ICE1: variants seen among roughly 807,000 people sequenced by gnomAD.
ICE1 encodes interactor of little elongation complex ELL subunit 1.
Under a neutral mutation model 192.7 loss-of-function variants are expected in ICE1, and 64 were observed. That is an observed-to-expected ratio of 0.33 (90% CI 0.27 to 0.41). The LOEUF is 0.41. Among genes scored for constraint, ICE1 ranks in the 10% least tolerant of loss-of-function variants. The pLI is 1.00. For missense variants in ICE1, 2,708 were observed against 2,696.0 expected (o/e 1.00, Z -0.10); for synonymous variants, 1,010 against 984.5 (o/e 1.03, Z -0.49).
chr5:5,445,476 C>A lies in ICE1; in HGVS notation c.424+1150C>A, dbSNP rs1046272834. ...TGAGACAGGGTCTCTCTCTGTCACT[C>A]AGGCTGGACAGGTGGTGCGATCTCG... is the stretch of plus-strand genomic sequence containing the variant. On this transcript the variant is annotated intron_variant, in intron 7 of 18. Coordinates refer to ENST00000296564, the MANE Select transcript of ICE1 (RefSeq NM_015325.3). Among the ~76,000 whole-genome samples the A allele has an allele frequency of 5.9e-5, 9 of 152,076 alleles. No homozygotes were observed. In the South Asian group the frequency reaches 1.0e-3, roughly 18 times the overall value.
In ICE1 at chr5:5,486,734, A is replaced by G. The variant is rs767672034; in HGVS notation, c.6534A>G (p.Gln2178=). Residue 2178 remains glutamine, a synonymous_variant, in exon 18 of 19, where the codon CAA becomes CAG. Coordinates refer to ENST00000296564, the MANE Select transcript of ICE1 (RefSeq NM_015325.3). ...TGTTTCCCCTAGGTCGTTTAGGCCA[A>G]TTGGGTTTGAAAGAAGGATTTCCAT... is the stretch of plus-strand genomic sequence containing the variant. ...SILRLIGRLG[Q]LGLKEGFPSA... is the part of the protein sequence containing the mutation. The G allele has an allele frequency of 2.5e-6, 4 of 1,598,068 alleles. No homozygotes were observed. The Admixed American group carries it at 6.9e-5, about 28-fold the overall frequency.
rs549587885 is a variant in ICE1, at chr5:5,441,339, A to G, written c.309+116A>G. Reference sequence around the variant, plus strand: ...TTAAAGGAAATAAAGGCTAGTCAAGACTCTCAGTGTATTATTAGCTTTAGA... The same window carrying G: ...TTAAAGGAAATAAAGGCTAGTCAAGGCTCTCAGTGTATTATTAGCTTTAGA... On this transcript the variant is annotated intron_variant, in intron 5 of 18. Coordinates refer to ENST00000296564, the MANE Select transcript of ICE1 (RefSeq NM_015325.3). 5 of 642,706 alleles carry G rather than the reference A, an allele frequency of 7.8e-6. No individual in the cohort carries two copies. The South Asian group carries it at 9.9e-5, about 13-fold the overall frequency. 39.8% of individuals were successfully genotyped at this position (642,706 alleles called of 1,614,324 possible). A position where few individuals can be genotyped will look rare whatever the true frequency, so the allele number is the denominator to read the frequency against.
In ICE1 at chr5:5,462,710, C is replaced by G; in HGVS notation, c.3376C>G (p.Pro1126Ala). 3 of 1,613,792 alleles carry G rather than the reference C, an allele frequency of 1.9e-6. No homozygotes were observed. The highest frequency in any genetic ancestry group is 2.5e-6 in the Non-Finnish European group (3 of 1,179,802). The change falls in exon 13 of 19, where the codon CCT becomes GCT. Residue 1126 changes from proline to alanine, a missense_variant. Physicochemically the swap from Pro to Ala is conservative, Grantham distance 27. Transcript: ENST00000296564. ...CSEGSEQQDA[P>A]DDSQKNLGDT... is the part of the protein sequence containing the mutation. ...TGAGGGGAGCGAACAGCAAGATGCT[C>G]CTGATGACTCACAGAAAAATTTAGG...
At chr5:5,482,340 A>G (rs908724028) in intron 17 of ICE1, among the ~76,000 whole-genome samples, 2 of 152,250 alleles carry the variant, frequency 1.3e-5, no homozygotes, top group Non-Finnish European at 2.9e-5. Context: ...AATAAGAATA[A>G]TGTGTAATTA....
chr5:5,461,244 T>A lies in ICE1; in HGVS notation c.1910T>A (p.Val637Glu), dbSNP rs571001211. 6.2e-7 allele frequency: 1 copy of A among 1,614,034 alleles called. No homozygotes were observed. Among genetic ancestry groups the A allele is most frequent in the African/African-American group, 1.3e-5 (1 of 75,072 alleles). The change falls in exon 13 of 19, where the codon GTA becomes GAA. Residue 637 changes from valine (V) to glutamate (E), a missense_variant. Transcript: ENST00000296564. ...AGTTTTTCTTCCTCTTCTACCTTGG[T>A]AGCATTGTCTGTTGGCAGTAATCCC... Reference protein sequence around the residue: ...ETSFSSSSTLVALSVGSNPQS... With the variant: ...ETSFSSSSTLEALSVGSNPQS...
intron 10 of ICE1, among the ~76,000 whole-genome samples, chr5:5,451,699 C>T (rs1738422375): frequency 6.6e-6 from 1 of 152,238 alleles, no homozygotes; most frequent in Middle Eastern, 3.4e-3. Flanking sequence ...AAAGATCTAA[C>T]ACCATAATAA....
Position 5,465,157 on chromosome 5 carries a change from T to C in ICE1, c.5823T>C (p.Asn1941=). Residue 1941 remains asparagine, a synonymous_variant, in exon 13 of 19, where the codon AAT becomes AAC. Transcript: ENST00000296564. Reference sequence around the variant, plus strand: ...TTCGTAGTCATGTGTATGTGGGAAATATCTCCAAAAAGCCCGTAATGAGAG... The same window carrying C: ...TTCGTAGTCATGTGTATGTGGGAAACATCTCCAAAAAGCCCGTAATGAGAG... ...PVIRSHVYVG[N]ISKKPVMRDQ... is the part of the protein sequence containing the mutation. 6.2e-7 allele frequency: 1 copy of C among 1,608,276 alleles called. No individual in the cohort carries two copies. The highest frequency in any genetic ancestry group is 1.7e-4 in the Middle Eastern group (1 of 6,056).
intron 3 of ICE1, among the ~76,000 whole-genome samples, chr5:5,439,499 A>G (rs966778093): frequency 6.6e-6 from 1 of 152,206 alleles, no homozygotes; most frequent in East Asian, 1.9e-4. Context: ...TTGTAAGTAC[A>G]TAACTTTTGT....
At chr5:5,433,200 A>C (rs1737772929) in intron 1 of ICE1, among the ~76,000 whole-genome samples, 1 of 152,192 alleles carries the variant, frequency 6.6e-6, no homozygotes, top group East Asian at 1.9e-4. Context: ...CACCTGCCCC[A>C]AGGGTCCCTG....
chr5:5,425,721 C>T (rs756748224), intron 1 of ICE1, among the ~76,000 whole-genome samples: 12 of 152,016 alleles, frequency 7.9e-5, no homozygotes, highest in African/African-American at 2.7e-4. Context: ...TGCATAGTTA[C>T]GTTAGGACAG....
chr5:5,470,670 A>G (rs550161850), intron 15 of ICE1, among the ~76,000 whole-genome samples: 3 of 152,290 alleles, frequency 2.0e-5, no homozygotes, highest in East Asian at 1.9e-4. Flanking sequence ...ATTTGCACAA[A>G]TGAATGATGA....
chr5:5,487,198 T>C (rs16875619), intron 18 of ICE1, among the ~76,000 whole-genome samples: 7,754 of 152,224 alleles, frequency 0.051, 646 homozygotes, highest in East Asian at 0.35. Flanking sequence ...ATCCGTGATG[T>C]ACAGTGAGAT....
chr5:5,456,730 AAT>A (rs1353664456), intron 11 of ICE1, among the ~76,000 whole-genome samples: 2 of 152,294 alleles, frequency 1.3e-5, no homozygotes, highest in Non-Finnish European at 2.9e-5. Flanking sequence ...AAATATAATA[AAT>A]GGTTATGGAA....
In ICE1 at chr5:5,465,376, C is replaced by T. The variant is rs536815899; in HGVS notation, c.5892+150C>T. 6.5e-5 allele frequency: 39 copies of T among 598,854 alleles called. No homozygotes were observed. The Admixed American group carries it at 1.2e-3, about 18-fold the overall frequency. 37.1% of individuals were successfully genotyped at this position (598,854 alleles called of 1,614,324 possible). ...CCATGTAAACATTACGACTATATTT[C>T]TAGCCAGCATTTTACAGATTTAAAA... is the stretch of plus-strand genomic sequence containing the variant. On this transcript the variant is annotated intron_variant, in intron 13 of 18. Coordinates refer to ENST00000296564, the MANE Select transcript of ICE1 (RefSeq NM_015325.3).
At position 5,461,189 on chromosome 5, in the gene ICE1, A is replaced by G. The variant is rs1481679216; in HGVS notation, c.1855A>G (p.Met619Val). Residue 619 changes from methionine (M) to valine (V), a missense_variant, in exon 13 of 19, where the codon ATG becomes GTG. Coordinates refer to ENST00000296564, the MANE Select transcript of ICE1 (RefSeq NM_015325.3). ...ESEDDDSGDGMDVAGLDIETS... is the reference protein window; with the variant it reads ...ESEDDDSGDGVDVAGLDIETS... ...AGAAGATGATGACTCAGGTGATGGA[A>G]TGGATGTAGCAGGGCTTGACATTGA... is the stretch of plus-strand genomic sequence containing the variant. 5 of 1,614,008 alleles carry G rather than the reference A, an allele frequency of 3.1e-6. No homozygotes were observed. Among genetic ancestry groups the G allele is most frequent in the Middle Eastern group, 1.6e-4 (1 of 6,062 alleles).
At chr5:5,468,405 A>G (rs1306968950) in intron 14 of ICE1, among the ~76,000 whole-genome samples, 1 of 151,868 alleles carries the variant, frequency 6.6e-6, no homozygotes, top group Non-Finnish European at 1.5e-5. Flanking sequence ...ACTACACTTC[A>G]ATTAATTTTT....
In ICE1 at chr5:5,447,705, T is replaced by C; in HGVS notation, c.508-16T>C. The C allele has an allele frequency of 6.4e-7, 1 of 1,563,056 alleles. No homozygotes were observed. Among genetic ancestry groups the C allele is most frequent in the Non-Finnish European group, 8.7e-7 (1 of 1,148,784 alleles). ...TCTTATTCAGCATAAACACTATTAA[T>C]ATTTTGTTTTCACAGGAAAGGCTTG... On this transcript the variant is annotated splice_polypyrimidine_tract_variant and intron_variant, in intron 8 of 18. Coordinates refer to ENST00000296564, the MANE Select transcript of ICE1 (RefSeq NM_015325.3).
chr5:5,447,196 C>G (rs559011112), intron 7 of ICE1, among the ~76,000 whole-genome samples: 16 of 152,238 alleles, frequency 1.1e-4, no homozygotes, highest in Admixed American at 9.8e-4. Context: ...GGAAAGAATT[C>G]TTAAGGCCTG....
chr5:5,441,268 G>A (rs1275018400), intron 5 of ICE1, 45 bp downstream of exon 5: 2 of 1,233,818 alleles, frequency 1.6e-6, no homozygotes, highest in Admixed American at 4.1e-5. Flanking sequence ...CAATAAATTA[G>A]GATGAGCTTA....
Sources: allele counts gnomAD v4.1 joint callset (sites outside exome capture counted in the v4.1 genomes callset), GRCh38; gene constraint gnomAD v4.1.1; transcripts MANE v1.5; gene names NCBI Gene and HGNC (gene_info 2026-07-23, HGNC 2026-07-21).